Variants in GLIPR1 observed in about 807,000 individuals in gnomAD.
The protein encoded by GLIPR1 is GLI pathogenesis related 1.
A neutral mutation model predicts 30.3 loss-of-function variants in GLIPR1; 38 were observed. The observed-to-expected ratio is 1.26, with a 90% CI of 0.97 to 1.65. GLIPR1 has a LOEUF of 1.65. GLIPR1 is among the 40% of genes most tolerant of loss of function. GLIPR1 has a pLI of 0.00. For synonymous variants in GLIPR1, 122 were observed against 110.6 expected (o/e 1.10, Z -0.65); for missense variants, 285 against 326.5 (o/e 0.87, Z 0.98).
At chr12:75,485,801 C>T (rs1259250024) in intron 2 of GLIPR1, among the ~76,000 whole-genome samples, 3 of 152,086 alleles carry the variant, frequency 2.0e-5, no homozygotes, top group African/African-American at 4.8e-5. Flanking sequence ...CCGCCCGCCT[C>T]GGCCAGCTTT....
chr12:75,496,702 G>T (rs955266636), intron 4 of GLIPR1: 6 of 152,152 alleles, frequency 3.9e-5, no homozygotes, highest in Non-Finnish European at 8.8e-5. Context: ...AATAGAGGAA[G>T]GACAGAGTCG....
intron 4 of GLIPR1, 89 bp from the exon 5 acceptor site, chr12:75,498,605 C>G: frequency 9.6e-7 from 1 of 1,038,380 alleles, no homozygotes; most frequent in Non-Finnish European, 1.5e-6. Context: ...AGTTAATGGT[C>G]ATAATTATAA....
chr12:75,501,349 A>C lies in GLIPR1; in HGVS notation c.*2371A>C. 1 of 176,836 alleles carries C rather than the reference A, an allele frequency of 5.7e-6. No individual in the cohort carries two copies. Among genetic ancestry groups the C allele is most frequent in the South Asian group, 1.4e-4 (1 of 7,370 alleles). 11.0% of individuals were successfully genotyped at this position (176,836 alleles called of 1,614,324 possible). A position where few individuals can be genotyped will look rare whatever the true frequency, so the allele number is the denominator to read the frequency against. ...GCCAAACTCTAAGCCAAGATCACAT[A>C]AAGAGAAGAAAAAGTACAACTTCTG... On this transcript the variant is annotated 3_prime_UTR_variant, in exon 6 of 6. Transcript: ENST00000266659.
Position 75,499,064 on chromosome 12 carries a change from A to G in GLIPR1, c.*86A>G. 4 of 788,544 alleles carry G rather than the reference A, an allele frequency of 5.1e-6. No individual in the cohort carries two copies. Among genetic ancestry groups the G allele is most frequent in the Non-Finnish European group, 5.8e-6 (3 of 517,248 alleles). The allele number at this position is 788,544 out of a possible 1,614,324, so 48.8% of individuals were successfully genotyped here. On this transcript the variant is annotated 3_prime_UTR_variant, in exon 6 of 6. Coordinates refer to ENST00000266659, the MANE Select transcript of GLIPR1 (RefSeq NM_006851.3). ...ACCAATAACAATTAGGTGTACTTCT[A>G]TTTTAAAACATTTCAGAAAAAAATA...
intron 2 of GLIPR1, among the ~76,000 whole-genome samples, chr12:75,486,226 A>G (rs11180548): frequency 0.35 from 52,566 of 152,090 alleles, 9,491 homozygotes; most frequent in East Asian, 0.45. Context: ...ATGCTTAATG[A>G]TACACCTAAG....
At chr12:75,498,612 AT>A in intron 4 of GLIPR1, 81 bp from the exon 5 acceptor site, 1 of 1,134,650 alleles carries the variant, frequency 8.8e-7, no homozygotes, top group Non-Finnish European at 1.3e-6. Flanking sequence ...GGTCATAATT[AT>A]AAGACTTAGC....
intron 4 of GLIPR1, 146 bp downstream of exon 4, chr12:75,495,808 T>G: frequency 2.0e-6 from 1 of 507,612 alleles, no homozygotes; most frequent in Non-Finnish European, 3.6e-6. Context: ...TGGCTTACTG[T>G]TCTAGGAATA....
chr12:75,482,720 T>G (rs1416369228), intron 2 of GLIPR1, among the ~76,000 whole-genome samples: 2 of 151,952 alleles, frequency 1.3e-5, no homozygotes, highest in Non-Finnish European at 2.9e-5. Flanking sequence ...TGAGTTTTTT[T>G]TTTTTTTTTT....
In GLIPR1 at chr12:75,501,861, T is replaced by C. The variant is rs1470240145; in HGVS notation, c.*2883T>C. The C allele has an allele frequency of 1.3e-6, 2 of 1,574,476 alleles. No homozygotes were observed. The highest frequency in any genetic ancestry group is 1.7e-6 in the Non-Finnish European group (2 of 1,150,414). ...ATATATCAGTTAAATGTATTTATAG[T>C]TAAATAATTCAAGTATCTATGAACT... is the stretch of plus-strand genomic sequence containing the variant. On this transcript the variant is annotated 3_prime_UTR_variant, in exon 6 of 6. Coordinates refer to ENST00000266659, the MANE Select transcript of GLIPR1 (RefSeq NM_006851.3).
chr12:75,486,315 A>AT (rs2046293778), intron 2 of GLIPR1, among the ~76,000 whole-genome samples: 1 of 130,958 alleles, frequency 7.6e-6, no homozygotes, highest in Non-Finnish European at 1.8e-5. Context: ...AACCTGCCTG[A>AT]TAAAAAAAAA....
chr12:75,482,181 T>A, intron 2 of GLIPR1, 102 bp downstream of exon 2: 1 of 999,402 alleles, frequency 1.0e-6, no homozygotes, highest in Non-Finnish European at 1.5e-6. Flanking sequence ...AGTATACCTG[T>A]AAATATAAGG....
At position 75,482,671 on chromosome 12, in the gene GLIPR1, A is replaced by G. The variant is rs1389958161; in HGVS notation, c.420+592A>G. ...TGAGGGTATTCTGCCCCCAGAATCCATATTATTAGTCCCAATAGCCACATT... is the reference window on the plus strand; with the variant it reads ...TGAGGGTATTCTGCCCCCAGAATCCGTATTATTAGTCCCAATAGCCACATT... On this transcript the variant is annotated intron_variant, in intron 2 of 5. Coordinates refer to ENST00000266659, the MANE Select transcript of GLIPR1 (RefSeq NM_006851.3). Among the ~76,000 whole-genome samples, 4 of 151,642 alleles carry G rather than the reference A, an allele frequency of 2.6e-5. No individual in the cohort carries two copies. The East Asian group carries it at 5.8e-4, about 22-fold the overall frequency.
chr12:75,498,607 T>C, intron 4 of GLIPR1, 87 bp from the exon 5 acceptor site: 2 of 1,081,330 alleles, frequency 1.8e-6, no homozygotes, highest in East Asian at 2.4e-5. Context: ...TTAATGGTCA[T>C]AATTATAAGA....
At chr12:75,490,727 GGTGT>G (rs55689194) in intron 3 of GLIPR1, 14 of 410,058 alleles carry the variant, frequency 3.4e-5, no homozygotes, top group South Asian at 1.8e-4. Context: ...AGAGAGAGAG[GGTGT>G]GTGTGTGTGT....
rs376251155 is a variant in GLIPR1, at chr12:75,498,812, T to C, written c.647-12T>C. ...ACAATGTCTAAGAGGATATTCTATG[T>C]TTGTTTCACAGGTTACTACTCTGTT... On this transcript the variant is annotated splice_polypyrimidine_tract_variant and intron_variant, in intron 5 of 5. Coordinates refer to ENST00000266659, the MANE Select transcript of GLIPR1 (RefSeq NM_006851.3). 1.9e-6 allele frequency: 3 copies of C among 1,612,282 alleles called. No homozygotes were observed. In the African/African-American group the frequency reaches 4.0e-5, roughly 22 times the overall value.
chr12:75,481,174 C>T (rs1188589656), intron 1 of GLIPR1, 120 bp downstream of exon 1: 3 of 685,720 alleles, frequency 4.4e-6, no homozygotes, highest in Non-Finnish European at 7.1e-6. Context: ...TTAATGTATG[C>T]AGTAAATTCA....
rs1188480910 is a variant in GLIPR1 at position 75,481,046 on chromosome 12, C to T, written c.166C>T (p.Leu56=). 2 of 1,608,796 alleles carry T rather than the reference C, an allele frequency of 1.2e-6. No homozygotes were observed. Among genetic ancestry groups the T allele is most frequent in the Admixed American group, 1.7e-5 (1 of 59,682 alleles). ...GGTGAAACCAACAGCCAGTGATATGCTATACATGGTAAGGAAAATATCATT... is the reference window on the plus strand; with the variant it reads ...GGTGAAACCAACAGCCAGTGATATGTTATACATGGTAAGGAAAATATCATT... ...SEVKPTASDM[L]YMTWDPALAQ... is the part of the protein sequence containing the mutation. The change falls in exon 1 of 6, where the codon CTA becomes TTA. Residue 56 remains leucine, a synonymous_variant. Coordinates refer to ENST00000266659, the MANE Select transcript of GLIPR1 (RefSeq NM_006851.3).
chr12:75,483,033 T>G lies in GLIPR1; in HGVS notation c.420+954T>G, dbSNP rs1251768219. On this transcript the variant is annotated intron_variant, in intron 2 of 5. Coordinates refer to ENST00000266659, the MANE Select transcript of GLIPR1 (RefSeq NM_006851.3). ...TAGGTGGTTTTAAGGAACAACATGG[T>G]GTAAGAAAACCTCCCTTACTCCAGC... is the stretch of plus-strand genomic sequence containing the variant. Among the ~76,000 whole-genome samples the G allele has an allele frequency of 4.6e-5, 7 of 152,266 alleles. No individual in the cohort carries two copies. In the East Asian group the frequency reaches 9.7e-4, roughly 21 times the overall value.
chr12:75,500,328 T>G lies in GLIPR1; in HGVS notation c.*1350T>G, dbSNP rs142918161. 1.3e-5 allele frequency: 2 copies of G among 154,816 alleles called. No individual in the cohort carries two copies. The highest frequency in any genetic ancestry group is 4.8e-5 in the African/African-American group (2 of 41,640). The allele number at this position is 154,816 out of a possible 1,614,324, so 9.6% of individuals were successfully genotyped here. A position where few individuals can be genotyped will look rare whatever the true frequency, so the allele number is the denominator to read the frequency against. ...TATTTTGGAACTTCTGAGTCATTAT[T>G]TTCCATCTTGCACATTAAAATAATT... On this transcript the variant is annotated 3_prime_UTR_variant, in exon 6 of 6. Coordinates refer to ENST00000266659, the MANE Select transcript of GLIPR1 (RefSeq NM_006851.3).
Sources: allele counts gnomAD v4.1 joint callset (sites outside exome capture counted in the v4.1 genomes callset), GRCh38; gene constraint gnomAD v4.1.1; transcripts MANE v1.5; gene names NCBI Gene and HGNC (gene_info 2026-07-23, HGNC 2026-07-21).